Variants in PTPRM observed in about 807,000 individuals in gnomAD.
The protein encoded by PTPRM is receptor-type tyrosine-protein phosphatase mu.
Under a neutral mutation model 186.7 loss-of-function variants are expected in PTPRM, and 47 were observed. That is an observed-to-expected ratio of 0.25 (90% CI 0.20 to 0.32). PTPRM has a LOEUF of 0.32. Ranked by LOEUF, PTPRM falls within the 10% of genes least tolerant of loss-of-function variation. PTPRM has a pLI of 1.00. For synonymous variants in PTPRM, 668 were observed against 674.9 expected, an observed-to-expected ratio of 0.99 and a Z score of 0.16; for missense variants, 1,494 against 1,865.0, an observed-to-expected ratio of 0.80 and a Z score of 3.66.
At chr18:7,652,140 A>G (rs2038723865) in intron 1 of PTPRM, among the ~76,000 whole-genome samples, 1 of 152,232 alleles carries the variant, frequency 6.6e-6, no homozygotes, top group African/African-American at 2.4e-5. Flanking sequence ...CAGCTAAAAA[A>G]CACATGAAAA....
chr18:7,789,507 C>T (rs2043237390), intron 2 of PTPRM, among the ~76,000 whole-genome samples: 1 of 152,050 alleles, frequency 6.6e-6, no homozygotes, highest in Non-Finnish European at 1.5e-5. Context: ...GTGGCATAGA[C>T]TTGCTGAAGA....
At chr18:8,140,966 A>G (rs1275707338) in intron 13 of PTPRM, among the ~76,000 whole-genome samples, 1 of 152,214 alleles carries the variant, frequency 6.6e-6, no homozygotes, top group African/African-American at 2.4e-5. Context: ...GGAAAAATAA[A>G]CAACCATCAG....
intron 32 of PTPRM, among the ~76,000 whole-genome samples, chr18:8,398,221 C>A (rs998609222): frequency 6.6e-6 from 1 of 152,082 alleles, no homozygotes; most frequent in Non-Finnish European, 1.5e-5. Flanking sequence ...TGGCCTCAAG[C>A]AGTCCTCCTG....
chr18:8,340,060 A>G (rs1215013203), intron 22 of PTPRM, among the ~76,000 whole-genome samples: 1 of 152,110 alleles, frequency 6.6e-6, no homozygotes. Flanking sequence ...ACGAATCACC[A>G]GTGCCCACCC....
chr18:7,864,468 G>C (rs890085450), intron 2 of PTPRM, among the ~76,000 whole-genome samples: 1 of 152,158 alleles, frequency 6.6e-6, no homozygotes, highest in Non-Finnish European at 1.5e-5. Context: ...TTTCCCCATT[G>C]CTTGTTTTTC....
chr18:8,385,104 G>C (rs1012391204), intron 30 of PTPRM, among the ~76,000 whole-genome samples: 1 of 152,142 alleles, frequency 6.6e-6, no homozygotes, highest in Non-Finnish European at 1.5e-5. Context: ...TGACTTAACA[G>C]GATTCTGGCT....
At chr18:7,882,560 G>A (rs1047912089) in intron 2 of PTPRM, among the ~76,000 whole-genome samples, 3 of 152,288 alleles carry the variant, frequency 2.0e-5, no homozygotes, top group African/African-American at 7.2e-5. Context: ...AACAGCCAAA[G>A]GGAGGCAAAG....
intron 14 of PTPRM, among the ~76,000 whole-genome samples, chr18:8,209,989 T>TAAAAAAAAAA (rs67547673): frequency 2.5e-4 from 20 of 78,708 alleles, no homozygotes; most frequent in Non-Finnish European, 3.2e-4. Flanking sequence ...GAAGTAAAAT[T>TAAAAAAAAAA]AAAAAAAAAA....
intron 14 of PTPRM, among the ~76,000 whole-genome samples, chr18:8,161,814 A>G (rs1304304733): frequency 6.6e-6 from 1 of 152,114 alleles, no homozygotes; most frequent in African/African-American, 2.4e-5. Flanking sequence ...AAATGGCACC[A>G]CTGGCCTGCA....
intron 1 of PTPRM, among the ~76,000 whole-genome samples, chr18:7,587,753 A>G (rs1410830543): frequency 1.3e-5 from 2 of 152,148 alleles, no homozygotes; most frequent in Non-Finnish European, 2.9e-5. Context: ...TACACACCCA[A>G]ACCCACATAT....
rs187664389 is a variant in PTPRM at position 8,124,891 on chromosome 18, A to G, written c.2167+10064A>G. ...CTGTGCTGACATCTTGCCCCTAAAA[A>G]TCCTATTTGATGCTATACTTGCACT... On this transcript the variant is annotated intron_variant, in intron 13 of 32. Transcript: ENST00000580170. Among the ~76,000 whole-genome samples the G allele has an allele frequency of 5.6e-3, 848 of 152,202 alleles. 9 individuals carry two copies. The highest frequency in any genetic ancestry group is 5.2e-3 in the Non-Finnish European group (354 of 68,004).
At chr18:7,892,048 C>CTATT (rs2049110468) in intron 3 of PTPRM, among the ~76,000 whole-genome samples, 1 of 152,166 alleles carries the variant, frequency 6.6e-6, no homozygotes. Context: ...TCCCACTGCC[C>CTATT]CTCTGGGACC....
intron 1 of PTPRM, among the ~76,000 whole-genome samples, chr18:7,716,634 A>G (rs535628316): frequency 2.6e-5 from 4 of 152,238 alleles, no homozygotes; most frequent in East Asian, 3.9e-4. Context: ...AAACTTATTT[A>G]TAAGAACAAA....
At chr18:7,888,521 T>G in intron 3 of PTPRM, 144 bp downstream of exon 3, 4 of 954,508 alleles carry the variant, frequency 4.2e-6, no homozygotes, top group Non-Finnish European at 6.0e-6. Flanking sequence ...CATCCTATAC[T>G]GTTGGTGGGA....
chr18:8,379,758 C>A lies in PTPRM; in HGVS notation c.3786+418C>A, dbSNP rs73939468. On this transcript the variant is annotated intron_variant, in intron 28 of 32. Transcript: ENST00000580170. ...CCAGTCTGTTTTCTTATTGCTATTC[C>A]GTTGATGCAAAGAGTGAATGGGTAT... 9.9e-3 allele frequency among the ~76,000 whole-genome samples: 1,504 copies of A among 152,242 alleles called. 27 individuals are homozygous for A. Among genetic ancestry groups the A allele is most frequent in the African/African-American group, 0.034 (1,420 of 41,518 alleles).
chr18:7,612,509 C>T (rs1369697566), intron 1 of PTPRM, among the ~76,000 whole-genome samples: 5 of 152,190 alleles, frequency 3.3e-5, no homozygotes, highest in African/African-American at 9.7e-5. Flanking sequence ...AATTGTTCCA[C>T]GATTCACTTT....
chr18:8,236,111 T>A (rs1270630925), intron 14 of PTPRM, among the ~76,000 whole-genome samples: 1 of 152,200 alleles, frequency 6.6e-6, no homozygotes, highest in Non-Finnish European at 1.5e-5. Flanking sequence ...GCTCTTGAAT[T>A]CAGCCATGTC....
At chr18:8,300,960 A>G (rs796188872) in intron 20 of PTPRM, among the ~76,000 whole-genome samples, 5 of 152,304 alleles carry the variant, frequency 3.3e-5, no homozygotes, top group African/African-American at 1.2e-4. Flanking sequence ...TCACACGTAC[A>G]TAGTGGCTGT....
chr18:8,369,906 C>T (rs1442773105), intron 23 of PTPRM, among the ~76,000 whole-genome samples: 3 of 152,102 alleles, frequency 2.0e-5, no homozygotes, highest in Non-Finnish European at 4.4e-5. Flanking sequence ...GCTGCGATCA[C>T]GCCACTGCAC....
Sources: allele counts gnomAD v4.1 joint callset (sites outside exome capture counted in the v4.1 genomes callset), GRCh38; gene constraint gnomAD v4.1.1; transcripts MANE v1.5; gene names NCBI Gene and HGNC (gene_info 2026-07-23, HGNC 2026-07-21).